The following SLCO1B3 variants were observed in gnomAD, a reference collection of about 807,000 sequenced individuals.
SLCO1B3 encodes the protein solute carrier organic anion transporter family member 1B3, also known as liver-specific organic anion transporter 2.
SLCO1B3 carries 72 observed loss-of-function variants against 71.8 expected under a neutral mutation model. The ratio of observed to expected loss-of-function variants is 1.00; its 90% CI spans 0.83 to 1.22. The LOEUF is 1.22. SLCO1B3 is among the 50% of genes most tolerant of loss of function. The pLI is 0.00. For synonymous variants in SLCO1B3, 298 were observed against 278.4 expected (o/e 1.07, Z -0.70); for missense variants, 911 against 819.7 (o/e 1.11, Z -1.36).
chr12:20,871,706 G>A (rs1301142904), intron 8 of SLCO1B3, among the ~76,000 whole-genome samples: 1 of 152,056 alleles, frequency 6.6e-6, no homozygotes, highest in African/African-American at 2.4e-5. Flanking sequence ...CTCTTCCCCT[G>A]CTTTCTCCAA....
chr12:20,845,255 C>G, intron 3 of SLCO1B3: 1 of 416,666 alleles, frequency 2.4e-6, no homozygotes, highest in South Asian at 2.0e-5. Flanking sequence ...TTTCTGACCT[C>G]TGACCTCTTG....
intron 3 of SLCO1B3, among the ~76,000 whole-genome samples, chr12:20,849,102 A>T (rs976417480): frequency 2.7e-5 from 4 of 150,196 alleles, no homozygotes; most frequent in Admixed American, 6.6e-5. Flanking sequence ...TTATGGTCAA[A>T]TTTTTTTTTT....
At position 20,866,865 on chromosome 12, in the gene SLCO1B3, T is replaced by C. The variant is rs145476858; in HGVS notation, c.727+4011T>C. 2.4e-3 allele frequency among the ~76,000 whole-genome samples: 359 copies of C among 152,254 alleles called. 1 individual carries two copies. Among genetic ancestry groups the C allele is most frequent in the African/African-American group, 8.3e-3 (343 of 41,572 alleles). On this transcript the variant is annotated intron_variant, in intron 8 of 15. Coordinates refer to ENST00000381545, the MANE Select transcript of SLCO1B3 (RefSeq NM_019844.4). Reference sequence around the variant, plus strand: ...GTTTATGATCGGAACTGTTCTTACCTATACAACTGCTAATCCCTAAGCCTT... The same window carrying C: ...GTTTATGATCGGAACTGTTCTTACCCATACAACTGCTAATCCCTAAGCCTT...
chr12:20,901,276 A>G, intron 14 of SLCO1B3, 74 bp from the exon 15 acceptor site: 3 of 956,988 alleles, frequency 3.1e-6, no homozygotes, highest in East Asian at 2.7e-5. Context: ...TCCAAAATGT[A>G]TCAATATCGA....
At chr12:20,880,395 G>A (rs1458271209) in intron 11 of SLCO1B3, among the ~76,000 whole-genome samples, 2 of 151,258 alleles carry the variant, frequency 1.3e-5, no homozygotes, top group Non-Finnish European at 3.0e-5. Flanking sequence ...ATTCAACAAT[G>A]TTAACTAACA....
At chr12:20,841,451 T>TAAAATAAATAAAAAA (rs1329871900) in intron 3 of SLCO1B3, among the ~76,000 whole-genome samples, 10 of 152,154 alleles carry the variant, frequency 6.6e-5, no homozygotes, top group Admixed American at 1.3e-4. Context: ...AAATAAGATT[T>TAAAATAAATAAAAAA]GCCCCAAATA....
At chr12:20,863,361 CAAAT>C (rs1438606221) in intron 8 of SLCO1B3, among the ~76,000 whole-genome samples, 1 of 152,082 alleles carries the variant, frequency 6.6e-6, no homozygotes, top group Admixed American at 6.5e-5. Context: ...GCTTATAGAA[CAAAT>C]GAATGAAGGA....
At chr12:20,860,575 T>C (rs115049299) in intron 5 of SLCO1B3, among the ~76,000 whole-genome samples, 1 of 150,402 alleles carries the variant, frequency 6.6e-6, no homozygotes, top group African/African-American at 2.5e-5. Flanking sequence ...TTTGTTTTTA[T>C]TGAGTTTTGA....
rs373075889 is a variant in SLCO1B3 at position 20,831,525 on chromosome 12, C to T, written c.84+15703C>T. On this transcript the variant is annotated intron_variant, in intron 3 of 15. Transcript: ENST00000381545. ...AATATTAACCTCAACAATCGCATTACAACAATTTTGTAAAGACTTGTGTGT... is the reference window on the plus strand; with the variant it reads ...AATATTAACCTCAACAATCGCATTATAACAATTTTGTAAAGACTTGTGTGT... Among the ~76,000 whole-genome samples, 163 of 152,200 alleles carry T rather than the reference C, an allele frequency of 1.1e-3. 4 individuals are homozygous for T. The South Asian group carries it at 0.033, about 31-fold the overall frequency.
At chr12:20,892,384 A>G (rs900491904) in intron 13 of SLCO1B3, among the ~76,000 whole-genome samples, 1 of 152,286 alleles carries the variant, frequency 6.6e-6, no homozygotes, top group Non-Finnish European at 1.5e-5. Flanking sequence ...GTTGTGGTTG[A>G]TAGCAAAGTT....
At chr12:20,846,957 A>G (rs1331510956) in intron 3 of SLCO1B3, among the ~76,000 whole-genome samples, 1 of 152,042 alleles carries the variant, frequency 6.6e-6, no homozygotes. Context: ...TCTGACAATT[A>G]TGTACATTTG....
intron 15 of SLCO1B3, among the ~76,000 whole-genome samples, chr12:20,909,101 CATT>C (rs1163036836): frequency 6.0e-5 from 9 of 151,242 alleles, no homozygotes; most frequent in East Asian, 5.8e-4. Context: ...AGTGGTATCT[CATT>C]GTTGTTTAAA....
At chr12:20,862,348 G>C (rs930508845) in intron 6 of SLCO1B3, 64 bp from the exon 7 acceptor site, 5 of 1,488,694 alleles carry the variant, frequency 3.4e-6, no homozygotes, top group Non-Finnish European at 4.6e-6. Context: ...ATTTAAAGTA[G>C]TTAAATTTCT....
intron 3 of SLCO1B3, among the ~76,000 whole-genome samples, chr12:20,819,061 G>T (rs1156411078): frequency 6.6e-6 from 1 of 151,248 alleles, no homozygotes; most frequent in Middle Eastern, 3.2e-3. Flanking sequence ...TTGTGATTTT[G>T]AGGGCCTCTA....
chr12:20,840,000 G>A (rs1184517819), intron 3 of SLCO1B3, among the ~76,000 whole-genome samples: 1 of 152,088 alleles, frequency 6.6e-6, no homozygotes, highest in Non-Finnish European at 1.5e-5. Context: ...TCTAGCATTT[G>A]TTTTTGGTTC....
intron 3 of SLCO1B3, among the ~76,000 whole-genome samples, chr12:20,834,973 C>T (rs566374284): frequency 8.4e-4 from 128 of 152,326 alleles, no homozygotes; most frequent in African/African-American, 3.1e-3. Flanking sequence ...CTCTGCCTGA[C>T]ATCCAAGCAT....
At chr12:20,914,430 A>C (rs1468393391) in intron 15 of SLCO1B3, among the ~76,000 whole-genome samples, 2 of 152,058 alleles carry the variant, frequency 1.3e-5, no homozygotes, top group Non-Finnish European at 2.9e-5. Context: ...TTTCCTACAC[A>C]TTGTGTCATT....
chr12:20,858,052 T>G (rs1302828960), intron 4 of SLCO1B3, among the ~76,000 whole-genome samples: 1 of 152,094 alleles, frequency 6.6e-6, no homozygotes, highest in Non-Finnish European at 1.5e-5. Context: ...CTGAGCACTG[T>G]GGTAGGTACA....
intron 15 of SLCO1B3, among the ~76,000 whole-genome samples, chr12:20,905,416 G>C (rs549337274): frequency 6.6e-6 from 1 of 152,122 alleles, no homozygotes. Context: ...TTTCTACCAC[G>C]TGGCTGGGTT....
Sources: gnomAD v4.1 joint callset for allele counts (sites outside exome capture counted in the v4.1 genomes callset) on GRCh38, gnomAD v4.1.1 for gene constraint, MANE v1.5 for transcripts, NCBI Gene and HGNC (gene_info 2026-07-23, HGNC 2026-07-21) for gene names.